Variants in FLNB observed in about 807,000 individuals in gnomAD.
The protein encoded by FLNB is filamin-B.
A neutral mutation model predicts 250.6 loss-of-function variants in FLNB; 111 were observed. The ratio of observed to expected loss-of-function variants is 0.44; its 90% CI spans 0.38 to 0.52. The LOEUF (loss-of-function observed/expected upper bound fraction) is 0.52, where lower values mean the gene tolerates loss of function less well. FLNB is among the 20% of genes least tolerant of loss of function. FLNB has a pLI of 0.00. For missense variants in FLNB, 2,869 were observed against 3,447.8 expected (o/e 0.83, Z 4.20); for synonymous variants, 1,302 against 1,372.1 (o/e 0.95, Z 1.13).
intron 1 of FLNB, among the ~76,000 whole-genome samples, chr3:58,066,078 T>A (rs549038190): frequency 6.6e-6 from 1 of 152,252 alleles, no homozygotes; most frequent in South Asian, 2.1e-4. Context: ...AGGAGAACTG[T>A]GTGGCAGCAA....
chr3:58,169,423 AG>A lies in FLNB; in HGVS notation c.7418-163del, dbSNP rs1405865311. On this transcript the variant is annotated intron_variant, in intron 44 of 45. Coordinates refer to ENST00000295956, the MANE Select transcript of FLNB (RefSeq NM_001457.4). The surrounding 1 kb of genome is among the most constrained non-coding windows in gnomAD (Gnocchi z 4.8). ...CCTAGTTGTATGGGGGTGGGATCCTAGGGGTTTAGAAGACATTATGGGTGTG... is the reference window on the plus strand; with the variant it reads ...CCTAGTTGTATGGGGGTGGGATCCTAGGGTTTAGAAGACATTATGGGTGTG... 9.0e-6 allele frequency: 6 copies of A among 665,412 alleles called. No individual in the cohort carries two copies. Among genetic ancestry groups the A allele is most frequent in the Non-Finnish European group, 1.7e-5 (6 of 362,544 alleles). 41.2% of individuals were successfully genotyped at this position (665,412 alleles called of 1,614,324 possible). A position where few individuals can be genotyped will look rare whatever the true frequency, so the allele number is the denominator to read the frequency against.
intron 19 of FLNB, among the ~76,000 whole-genome samples, chr3:58,119,296 T>A (rs971389230): frequency 7.2e-5 from 11 of 152,190 alleles, no homozygotes; most frequent in Admixed American, 5.9e-4. Context: ...GGCTGGCACG[T>A]AGTCAGCCCC....
chr3:58,025,330 A>G (rs2097122068), intron 1 of FLNB, among the ~76,000 whole-genome samples: 1 of 149,974 alleles, frequency 6.7e-6, no homozygotes, highest in African/African-American at 2.5e-5. Context: ...GTGTTTTGCC[A>G]TGTTTCCCAG....
In FLNB at chr3:58,055,597, G is replaced by T. The variant is rs541315239; in HGVS notation, c.293-21449G>T. 1.4e-4 allele frequency among the ~76,000 whole-genome samples: 21 copies of T among 152,320 alleles called. No homozygotes were observed. In the East Asian group the frequency reaches 3.3e-3, roughly 24 times the overall value. On this transcript the variant is annotated intron_variant, in intron 1 of 45. Transcript: ENST00000295956. ...GGGACACAGCCAAACCACATCAGTG[G>T]TGCTAATAGACAGTGGTGCTGTGGT...
At chr3:58,086,740 A>C (rs1232582228) in intron 4 of FLNB, among the ~76,000 whole-genome samples, 2 of 152,228 alleles carry the variant, frequency 1.3e-5, no homozygotes, top group East Asian at 3.8e-4. Context: ...AGACAGCCGG[A>C]GATTAAATGA....
intron 26 of FLNB, among the ~76,000 whole-genome samples, chr3:58,134,050 C>T (rs2097312174): frequency 6.6e-6 from 1 of 152,186 alleles, no homozygotes; most frequent in South Asian, 2.1e-4. Flanking sequence ...AACTCTTCCT[C>T]CCCAAACTAC....
chr3:58,062,888 C>T (rs1490183423), intron 1 of FLNB, among the ~76,000 whole-genome samples: 1 of 152,156 alleles, frequency 6.6e-6, no homozygotes, highest in Non-Finnish European at 1.5e-5. Flanking sequence ...CGGGGAGGCA[C>T]CCTTAGCTCC....
chr3:58,157,269 A>G (rs962765643), intron 41 of FLNB, among the ~76,000 whole-genome samples: 2 of 152,162 alleles, frequency 1.3e-5, no homozygotes, highest in African/African-American at 4.8e-5. Flanking sequence ...CCAAAGTATG[A>G]TTTCTGGGTA....
At chr3:58,111,994 G>T in intron 17 of FLNB, 113 bp downstream of exon 17, 4 of 1,187,388 alleles carry the variant, frequency 3.4e-6, no homozygotes, top group Non-Finnish European at 5.0e-6. Context: ...CACCAAGCTG[G>T]CAGGTTTTCT....
intron 32 of FLNB, among the ~76,000 whole-genome samples, chr3:58,144,150 A>C (rs1179347546): frequency 6.6e-6 from 1 of 152,324 alleles, no homozygotes; most frequent in South Asian, 2.1e-4. Flanking sequence ...ACACATTCTC[A>C]TGGTTCAAAA....
rs139846706 is a variant in FLNB at position 58,153,522 on chromosome 3, G to A, written c.6515G>A (p.Arg2172His). Reference protein sequence around the residue: ...MGVHTVSVKYRGQHVTGSPFQ... With the variant: ...MGVHTVSVKYHGQHVTGSPFQ... The stretch of plus-strand genomic sequence containing the variant: ...GTGCACACGGTCAGCGTCAAGTACC[G>A]TGGGCAGCACGTCACCGGCAGCCCC... Residue 2172 changes from arginine to histidine, a missense_variant, in exon 39 of 46, where the codon CGT (arginine) becomes CAT (histidine). Around this residue, in one of 5 missense-constraint regions of FLNB, gnomAD observed 1,084 missense variants for 1,315.5 expected, o/e 0.82. Transcript: ENST00000295956. 1.0e-4 allele frequency: 161 copies of A among 1,614,164 alleles called. No individual in the cohort carries two copies. The highest frequency in any genetic ancestry group is 7.5e-4 in the African/African-American group (56 of 75,074).
chr3:58,109,290 G>C lies in FLNB; in HGVS notation c.2167G>C (p.Gly723Arg), dbSNP rs970014547. 3 of 1,614,168 alleles carry C rather than the reference G, an allele frequency of 1.9e-6. No homozygotes were observed. Among genetic ancestry groups the C allele is most frequent in the African/African-American group, 1.3e-5 (1 of 75,050 alleles). ...AIKHTIAVVW[G>R]GVNIPHSPYR... is the part of the protein sequence containing the mutation. Reference sequence around the variant, plus strand: ...CAAGCACACCATTGCTGTGGTCTGGGGAGGCGTGAACATCCCGCACAGCCC... The same window carrying C: ...CAAGCACACCATTGCTGTGGTCTGGCGAGGCGTGAACATCCCGCACAGCCC... The change falls in exon 14 of 46, where the codon GGA (glycine) becomes CGA (arginine). Residue 723 changes from glycine to arginine, a missense_variant. Physicochemically the swap from Gly to Arg is moderately radical, Grantham distance 125. Coordinates refer to ENST00000295956, the MANE Select transcript of FLNB (RefSeq NM_001457.4).
In FLNB at chr3:58,123,348, G is replaced by A. The variant is rs1373474635; in HGVS notation, c.3382G>A (p.Glu1128Lys). 6.2e-7 allele frequency: 1 copy of A among 1,614,048 alleles called. No homozygotes were observed. The highest frequency in any genetic ancestry group is 8.5e-7 in the Non-Finnish European group (1 of 1,180,046). ...IPGSPFKADI[E>K]MPFDPSKVVA... ...TGGGTCTCCCTTCAAAGCTGACATT[G>A]AAATGCCCTTTGACCCCTCTAAAGT... Residue 1128 changes from glutamate (E) to lysine (K), a missense_variant, in exon 21 of 46, where the codon GAA (glutamate) becomes AAA (lysine). Coordinates refer to ENST00000295956, the MANE Select transcript of FLNB (RefSeq NM_001457.4).
At chr3:58,110,942 T>TA (rs1226617272) in intron 16 of FLNB, among the ~76,000 whole-genome samples, 4 of 152,194 alleles carry the variant, frequency 2.6e-5, no homozygotes, top group Non-Finnish European at 5.9e-5. Flanking sequence ...TCTGGCTCCT[T>TA]ACAACCAAGA....
chr3:58,121,637 A>C, intron 20 of FLNB, 134 bp downstream of exon 20: 1 of 1,166,200 alleles, frequency 8.6e-7, no homozygotes, highest in Non-Finnish European at 1.2e-6. Flanking sequence ...TCACTGTGAA[A>C]GGTCCCCTGG....
At chr3:58,076,558 G>A (rs1477619785) in intron 1 of FLNB, among the ~76,000 whole-genome samples, 1 of 152,070 alleles carries the variant, frequency 6.6e-6, no homozygotes, top group African/African-American at 2.4e-5. Flanking sequence ...GGGCTCAAGC[G>A]ATCCTCCAAC....
intron 4 of FLNB, 79 bp from the exon 5 acceptor site, chr3:58,094,757 C>T: frequency 8.4e-7 from 1 of 1,192,690 alleles, no homozygotes; most frequent in South Asian, 1.2e-5. Context: ...CTCTCAGTTC[C>T]CTGAAAGAGA....
chr3:58,127,343 AAAAG>A (rs1217763403), intron 24 of FLNB, among the ~76,000 whole-genome samples: 4 of 152,074 alleles, frequency 2.6e-5, no homozygotes, highest in African/African-American at 7.2e-5. Flanking sequence ...AAAAAAAAGA[AAAAG>A]AAAGAAAATT....
At chr3:58,138,169 A>G in intron 28 of FLNB, 113 bp from the exon 29 acceptor site, 1 of 1,374,190 alleles carries the variant, frequency 7.3e-7, no homozygotes, top group Non-Finnish European at 1.0e-6. Flanking sequence ...GAATGGCAGC[A>G]GTTGGAGGCC....
Sources: gnomAD v4.1 joint callset for allele counts (sites outside exome capture counted in the v4.1 genomes callset) on GRCh38, gnomAD v4.1.1 for gene constraint, gnomAD v4.1.1 regional missense constraint, Gnocchi (gnomAD v3.1) non-coding constraint, MANE v1.5 for transcripts, NCBI Gene and HGNC (gene_info 2026-07-23, HGNC 2026-07-21) for gene names.